KPNB1: variants seen among roughly 807,000 people sequenced by gnomAD.
KPNB1 encodes importin subunit beta-1.
Under a neutral mutation model 113.0 loss-of-function variants are expected in KPNB1, and 7 were observed. The observed-to-expected ratio is 0.06, with a 90% CI of 0.04 to 0.12. The LOEUF is 0.12. Among genes scored for constraint, KPNB1 ranks in the 10% least tolerant of loss-of-function variants. KPNB1 has a pLI of 1.00. For synonymous variants in KPNB1, 363 were observed against 378.6 expected, an observed-to-expected ratio of 0.96 and a Z score of 0.48; for missense variants, 400 against 1,054.8, an observed-to-expected ratio of 0.38 and a Z score of 8.60.
chr17:47,657,865 G>A (rs1008603571), intron 4 of KPNB1, among the ~76,000 whole-genome samples: 1 of 152,192 alleles, frequency 6.6e-6, no homozygotes, highest in African/African-American at 2.4e-5. Flanking sequence ...AAATGGAAAC[G>A]GGTGGGGAAA....
At chr17:47,667,594 G>A (rs1054341699) in intron 9 of KPNB1, among the ~76,000 whole-genome samples, 1 of 145,560 alleles carries the variant, frequency 6.9e-6, no homozygotes, top group African/African-American at 2.6e-5. Context: ...GTCTCACTCT[G>A]TTACACAGGC....
rs765066932 is a variant in KPNB1, at chr17:47,670,983, C to T, written c.1547+151C>T. On this transcript the variant is annotated intron_variant, in intron 12 of 21. Coordinates refer to ENST00000290158, the MANE Select transcript of KPNB1 (RefSeq NM_002265.6). ...GGAATTAAAAGAAACCCGCTGGGCG[C>T]GGTGGCTCACGCCTATATTCCCAGC... 59 of 697,154 alleles carry T rather than the reference C, an allele frequency of 8.5e-5. 1 individual carries two copies. The East Asian group carries it at 1.1e-3, about 13-fold the overall frequency. The allele number at this position is 697,154 out of a possible 1,614,324, so 43.2% of individuals were successfully genotyped here. A position where few individuals can be genotyped will look rare whatever the true frequency, so the allele number is the denominator to read the frequency against.
intron 15 of KPNB1, 122 bp downstream of exon 15, chr17:47,674,904 A>C (rs2030549690): frequency 1.0e-6 from 1 of 984,702 alleles, no homozygotes; most frequent in African/African-American, 1.6e-5. Flanking sequence ...GCAGCCTTGA[A>C]ATCGTGGGCT....
chr17:47,672,224 A>T lies in KPNB1; in HGVS notation c.1548-794A>T, dbSNP rs887481037. 9.3e-5 allele frequency among the ~76,000 whole-genome samples: 14 copies of T among 150,684 alleles called. No individual in the cohort carries two copies. The East Asian group carries it at 1.4e-3, about 15-fold the overall frequency. On this transcript the variant is annotated intron_variant, in intron 12 of 21. Coordinates refer to ENST00000290158, the MANE Select transcript of KPNB1 (RefSeq NM_002265.6). The stretch of plus-strand genomic sequence containing the variant: ...TTTCGCCATGTTGGCCAGGCTGGTC[A>T]CAAACTCCTGACACCTCAGGTGATC...
intron 17 of KPNB1, 102 bp from the exon 18 acceptor site, chr17:47,677,944 A>C (rs145142389): frequency 1.1e-5 from 13 of 1,211,894 alleles, no homozygotes; most frequent in Admixed American, 2.0e-5. Context: ...GGACCATCCA[A>C]ATATTTAAAA....
At chr17:47,679,020 A>G (rs2030694905) in intron 19 of KPNB1, among the ~76,000 whole-genome samples, 2 of 152,160 alleles carry the variant, frequency 1.3e-5, no homozygotes, top group South Asian at 2.1e-4. Flanking sequence ...CCTGGGTTCA[A>G]GTGATTCTTA....
intron 2 of KPNB1, 130 bp downstream of exon 2, chr17:47,650,574 T>TCCCCC (rs1333201997): frequency 3.8e-5 from 19 of 503,310 alleles, no homozygotes; most frequent in Middle Eastern, 5.1e-4. Context: ...CCCCTCCCCC[T>TCCCCC]CCCCCCCCAA....
At position 47,650,427 on chromosome 17, in the gene KPNB1, G is replaced by C; in HGVS notation, c.82G>C (p.Ala28Pro). 6.2e-7 allele frequency: 1 copy of C among 1,607,384 alleles called. No individual in the cohort carries two copies. Among genetic ancestry groups the C allele is most frequent in the Non-Finnish European group, 8.5e-7 (1 of 1,178,018 alleles). The change falls in exon 2 of 22, where the codon GCG becomes CCG. Residue 28 changes from alanine to proline, a missense_variant. By Grantham distance (27) the Ala-to-Pro change is conservative. This residue lies in a region of KPNB1 where 285 missense variants were observed against 627.0 expected (regional missense o/e 0.45). Coordinates refer to ENST00000290158, the MANE Select transcript of KPNB1 (RefSeq NM_002265.6). ...LEAAQKFLER[A>P]AVENLPTFLV... The stretch of plus-strand genomic sequence containing the variant: ...AGCGGCGCAGAAGTTCCTGGAGCGT[G>C]CGGCCGTGGAGAACCTGGTGCGTGC...
Position 47,663,156 on chromosome 17 carries a change from A to C in KPNB1, c.764A>C (p.Tyr255Ser). Residue 255 changes from tyrosine (Y) to serine (S), a missense_variant, in exon 7 of 22, where the codon TAT (tyrosine) becomes TCT (serine). Physicochemically the swap from Tyr to Ser is moderately radical, Grantham distance 144 (BLOSUM62 -2). Coordinates refer to ENST00000290158, the MANE Select transcript of KPNB1 (RefSeq NM_002265.6). ...MSLYYQYMET[Y>S]MGPALFAITI... ...TTATATTATCAGTACATGGAGACAT[A>C]TATGGGTCCTGCTCTTTTTGCAGTA... is the stretch of plus-strand genomic sequence containing the variant. 1 of 1,574,088 alleles carries C rather than the reference A, an allele frequency of 6.4e-7. No individual in the cohort carries two copies. The highest frequency in any genetic ancestry group is 8.7e-7 in the Non-Finnish European group (1 of 1,143,736).
At chr17:47,656,788 A>T (rs2029923549) in intron 3 of KPNB1, 72 bp from the exon 4 acceptor site, 32 of 1,415,860 alleles carry the variant, frequency 2.3e-5, no homozygotes, top group Non-Finnish European at 3.1e-5. Flanking sequence ...CACTAATATA[A>T]GTATGGTGGT....
chr17:47,671,435 C>T (rs1245590161), intron 12 of KPNB1, among the ~76,000 whole-genome samples: 1 of 152,152 alleles, frequency 6.6e-6, no homozygotes, highest in Non-Finnish European at 1.5e-5. Flanking sequence ...GCAGCATTGA[C>T]AGTTAACAGG....
chr17:47,675,093 A>G (rs1031517897), intron 15 of KPNB1, among the ~76,000 whole-genome samples: 1 of 152,096 alleles, frequency 6.6e-6, no homozygotes, highest in Non-Finnish European at 1.5e-5. Flanking sequence ...TGCTAGGATT[A>G]TAGATGTGAG....
At chr17:47,679,085 A>C (rs1224171019) in intron 19 of KPNB1, among the ~76,000 whole-genome samples, 2 of 138,948 alleles carry the variant, frequency 1.4e-5, no homozygotes, top group Admixed American at 7.2e-5. Flanking sequence ...ATGCCCAGCT[A>C]TTTTTTTTTT....
In KPNB1 at chr17:47,650,367, C is replaced by T; in HGVS notation, c.41-19C>T. 1 of 1,611,704 alleles carries T rather than the reference C, an allele frequency of 6.2e-7. No homozygotes were observed. Among genetic ancestry groups the T allele is most frequent in the East Asian group, 2.2e-5 (1 of 44,774 alleles). On this transcript the variant is annotated intron_variant, in intron 1 of 21. Transcript: ENST00000290158. The stretch of plus-strand genomic sequence containing the variant: ...CGGCCCCTCTGACCCCGCTCCGTCT[C>T]CCACTTTCCTCCCCCTAGATCGGCT...
chr17:47,657,059 T>C lies in KPNB1; in HGVS notation c.482T>C (p.Ile161Thr), dbSNP rs1597924279. 6.2e-7 allele frequency: 1 copy of C among 1,613,242 alleles called. No homozygotes were observed. The highest frequency in any genetic ancestry group is 8.5e-7 in the Non-Finnish European group (1 of 1,179,454). The change falls in exon 4 of 22, where the codon ATA becomes ACA. Residue 161 changes from isoleucine to threonine, a missense_variant and splice_region_variant. Around this residue, in one of 2 missense-constraint regions of KPNB1, gnomAD observed 285 missense variants for 627.0 expected, o/e 0.45. Coordinates refer to ENST00000290158, the MANE Select transcript of KPNB1 (RefSeq NM_002265.6). Reference sequence around the variant, plus strand: ...GCCATCGGTTATATTTGCCAAGATATAGTAAGTGCTTGCCTAATGTATCTG... The same window carrying C: ...GCCATCGGTTATATTTGCCAAGATACAGTAAGTGCTTGCCTAATGTATCTG... ...LEAIGYICQD[I>T]DPEQLQDKSN...
chr17:47,670,736 C>G lies in KPNB1; in HGVS notation c.1451C>G (p.Ala484Gly). The change falls in exon 12 of 22, where the codon GCT becomes GGT. Residue 484 changes from alanine to glycine, a missense_variant. Physicochemically the swap from Ala to Gly is moderately conservative, Grantham distance 60 (BLOSUM62 0). Transcript: ENST00000290158. ...AGTCTGGCTGAAGCTGCTTATGAAG[C>G]TGCAGACGTTGCTGATGATCAGGAA... ...FSSLAEAAYE[A>G]ADVADDQEEP... 6 of 1,613,226 alleles carry G rather than the reference C, an allele frequency of 3.7e-6. No individual in the cohort carries two copies. Among genetic ancestry groups the G allele is most frequent in the African/African-American group, 1.3e-5 (1 of 75,040 alleles).
chr17:47,666,468 T>C (rs12941816), intron 9 of KPNB1, among the ~76,000 whole-genome samples: 1 of 144,362 alleles, frequency 6.9e-6, no homozygotes, highest in Non-Finnish European at 1.5e-5. Context: ...TATATATATT[T>C]TATATAATGT....
chr17:47,676,851 G>A (rs891137648), intron 16 of KPNB1, among the ~76,000 whole-genome samples, 169 bp from the exon 17 acceptor site: 8 of 138,620 alleles, frequency 5.8e-5, no homozygotes, highest in African/African-American at 8.3e-5. Context: ...GATCTCTCTC[G>A]GATAGTCTTT....
intron 9 of KPNB1, among the ~76,000 whole-genome samples, chr17:47,665,975 G>A (rs1272791153): frequency 6.6e-6 from 1 of 152,166 alleles, no homozygotes; most frequent in Non-Finnish European, 1.5e-5. Flanking sequence ...AAGCTAAGTA[G>A]GGATGTGTTT....
Sources: gnomAD v4.1 joint callset for allele counts (sites outside exome capture counted in the v4.1 genomes callset) on GRCh38, gnomAD v4.1.1 for gene constraint, gnomAD v4.1.1 regional missense constraint, MANE v1.5 for transcripts, NCBI Gene and HGNC (gene_info 2026-07-23, HGNC 2026-07-21) for gene names.